The following ABCC11 variants were observed in gnomAD, a reference collection of about 807,000 sequenced individuals.
ABCC11 encodes ATP binding cassette subfamily C member 11, also known as ATP-binding cassette sub-family C member 11.
Under a neutral mutation model 149.3 loss-of-function variants are expected in ABCC11, and 135 were observed. The ratio of observed to expected loss-of-function variants is 0.90; its 90% confidence interval spans 0.79 to 1.04. The LOEUF is 1.04. Ranked by LOEUF, ABCC11 falls within the 50% of genes least tolerant of loss-of-function variation. The pLI is 0.00. For missense variants in ABCC11, 1,680 were observed against 1,722.1 expected (o/e 0.98, Z 0.43); for synonymous variants, 665 against 671.4 (o/e 0.99, Z 0.15).
In ABCC11 at chr16:48,166,239, C is replaced by CA. The variant is rs1965332564; in HGVS notation, c.*1034dup. Among the ~76,000 whole-genome samples, 1 of 152,192 alleles carries CA rather than the reference C, an allele frequency of 6.6e-6. No homozygotes were observed. Among genetic ancestry groups the CA allele is most frequent in the African/African-American group, 2.4e-5 (1 of 41,458 alleles). On this transcript the variant is annotated 3_prime_UTR_variant, in exon 30 of 30. Transcript: ENST00000356608. The stretch of plus-strand genomic sequence containing the variant: ...AGCCTAGCACATGATTGATCAGGAA[C>CA]AAGCACATGACCCAAGCTGGCCCAG...
chr16:48,241,081 C>T (rs1187538229), intron 1 of ABCC11, among the ~76,000 whole-genome samples: 20 of 152,006 alleles, frequency 1.3e-4, no homozygotes, highest in East Asian at 1.9e-4. Context: ...ATTACAGGCA[C>T]GCACCACCAC....
chr16:48,184,758 G>A, intron 22 of ABCC11, 132 bp from the exon 23 acceptor site: 1 of 917,414 alleles, frequency 1.1e-6, no homozygotes, highest in Admixed American at 2.8e-5. Flanking sequence ...ATTTTTCTTT[G>A]GGGAGTTCCT....
chr16:48,202,636 A>G (rs185338254), intron 14 of ABCC11, among the ~76,000 whole-genome samples: 2 of 152,126 alleles, frequency 1.3e-5, no homozygotes, highest in East Asian at 1.9e-4. Context: ...AAAAAGAAGA[A>G]GAAGAATTAA....
rs772542555 is a variant in ABCC11, at chr16:48,178,695, AAGG to A, written c.3259-12_3259-10del. 1.6e-5 allele frequency: 26 copies of A among 1,613,792 alleles called. No individual in the cohort carries two copies. In the South Asian group the frequency reaches 2.1e-4, roughly 13 times the overall value. ...TGGAAGCTGGACGCCAGCTAGAAGG[AAGG>A]AGAAGTATCGGGGGTCAAGAGGCTG... On this transcript the variant is annotated splice_polypyrimidine_tract_variant and intron_variant, in intron 23 of 29. Coordinates refer to ENST00000356608, the MANE Select transcript of ABCC11 (RefSeq NM_001370497.1).
At chr16:48,232,699 G>C (rs1037824721) in intron 1 of ABCC11, among the ~76,000 whole-genome samples, 1 of 152,238 alleles carries the variant, frequency 6.6e-6, no homozygotes, top group Non-Finnish European at 1.5e-5. Flanking sequence ...GTGTGCAGCA[G>C]AGCCAGGGCC....
Position 48,214,892 on chromosome 16 carries a change from T to C in ABCC11, c.1237A>G (p.Thr413Ala). 2 of 1,613,910 alleles carry C rather than the reference T, an allele frequency of 1.2e-6. No homozygotes were observed. Among genetic ancestry groups the C allele is most frequent in the East Asian group, 2.2e-5 (1 of 44,878 alleles). ...CCCCAAACCCTTACCATTGACGCTG[T>C]GAGTTTCAGCTTTAAGGATGTGTGG... ...LIHTSLKLKLTASMAFSMLAS... is the reference protein window; with the variant it reads ...LIHTSLKLKLAASMAFSMLAS... Residue 413 changes from threonine to alanine, a missense_variant, in exon 9 of 30, where the codon ACA (threonine) becomes GCA (alanine). By Grantham distance (58) the Thr-to-Ala change is moderately conservative. Transcript: ENST00000356608.
chr16:48,205,396 C>T lies in ABCC11; in HGVS notation c.1805+17G>A, dbSNP rs1968346497. ...CCACATGCCCTGTACTCTCCCTTTC[C>T]CCTCCCAGGAGCTTACCGGGCCTTG... On this transcript the variant is annotated intron_variant, in intron 13 of 29. Transcript: ENST00000356608. The T allele has an allele frequency of 6.2e-7, 1 of 1,613,956 alleles. No homozygotes were observed. Among genetic ancestry groups the T allele is most frequent in the Non-Finnish European group, 8.5e-7 (1 of 1,179,964 alleles).
intron 23 of ABCC11, among the ~76,000 whole-genome samples, chr16:48,182,459 G>T (rs867859994): frequency 6.6e-6 from 1 of 152,120 alleles, no homozygotes; most frequent in Non-Finnish European, 1.5e-5. Context: ...TCACCACACT[G>T]CATGAGATGA....
At chr16:48,235,521 C>T (rs1233953082) in intron 1 of ABCC11, among the ~76,000 whole-genome samples, 1 of 152,142 alleles carries the variant, frequency 6.6e-6, no homozygotes, top group Non-Finnish European at 1.5e-5. Context: ...GTCGCTCATC[C>T]CAAGCAAACG....
intron 28 of ABCC11, among the ~76,000 whole-genome samples, chr16:48,168,859 G>C (rs1965506982): frequency 6.6e-6 from 1 of 152,130 alleles, no homozygotes; most frequent in African/African-American, 2.4e-5. Context: ...ATGGACACAG[G>C]GAGGGGAACA....
chr16:48,242,956 C>T (rs1460641978), intron 1 of ABCC11, among the ~76,000 whole-genome samples: 2 of 151,684 alleles, frequency 1.3e-5, no homozygotes, highest in East Asian at 3.9e-4. Flanking sequence ...ATGTAAATGA[C>T]GAGTTAGTGA....
chr16:48,191,740 A>C (rs1291368660), intron 20 of ABCC11, among the ~76,000 whole-genome samples: 1 of 152,150 alleles, frequency 6.6e-6, no homozygotes, highest in East Asian at 1.9e-4. Context: ...CAAAAAACCA[A>C]ACACCACATG....
intron 1 of ABCC11, among the ~76,000 whole-genome samples, chr16:48,245,096 T>C (rs1432864803): frequency 1.3e-5 from 2 of 152,124 alleles, no homozygotes; most frequent in Non-Finnish European, 2.9e-5. Flanking sequence ...GCTCCGTGAG[T>C]TTTAACTTTT....
rs763890068 is a variant in ABCC11, at chr16:48,205,516, C to T, written c.1702G>A (p.Val568Met). The T allele has an allele frequency of 2.6e-5, 42 of 1,614,106 alleles. No homozygotes were observed. In the South Asian group the frequency reaches 4.6e-4, roughly 18 times the overall value. ...TAGGCCAGGCTTCCCTGCACCCCCA[C>T]CGAGCCCTCGAGCAAGTGCATCTGC... ...LEEMHLLEGSVGVQGSLAYVP... is the reference protein window; with the variant it reads ...LEEMHLLEGSMGVQGSLAYVP... The change falls in exon 13 of 30, where the codon GTG becomes ATG. Residue 568 changes from valine to methionine, a missense_variant. Transcript: ENST00000356608.
chr16:48,203,209 AG>A lies in ABCC11; in HGVS notation c.1878+18del. Reference sequence around the variant, plus strand: ...AGCACCAACATTACACAGAGAAGGCAGGCTCGCCTCCCTCTCACCTCTGTCA... The same window carrying A: ...AGCACCAACATTACACAGAGAAGGCAGCTCGCCTCCCTCTCACCTCTGTCA... On this transcript the variant is annotated intron_variant, in intron 14 of 29. Transcript: ENST00000356608. The A allele has an allele frequency of 6.4e-7, 1 of 1,556,496 alleles. No individual in the cohort carries two copies. The highest frequency in any genetic ancestry group is 8.7e-7 in the Non-Finnish European group (1 of 1,147,406).
intron 4 of ABCC11, among the ~76,000 whole-genome samples, chr16:48,225,506 T>C (rs1011847619): frequency 1.3e-5 from 2 of 152,212 alleles, no homozygotes; most frequent in African/African-American, 4.8e-5. Flanking sequence ...TGATTGCATC[T>C]CCATGGTGTT....
chr16:48,194,942 C>G (rs770205055), intron 18 of ABCC11, among the ~76,000 whole-genome samples: 3 of 152,188 alleles, frequency 2.0e-5, no homozygotes, highest in Admixed American at 6.5e-5. Context: ...GGGGAACTCC[C>G]TTGCCCAAAC....
rs1459082774 is a variant in ABCC11, at chr16:48,170,158, C to T, written c.3838G>A (p.Val1280Met). ...DVVENGGNFS[V>M]GERQLLCIAR... is the part of the protein sequence containing the mutation. ...ATGCAGAGCAGCTGCCTCTCCCCCACAGAGAAGTTTCCACCGTTTTCCACC... is the reference window on the plus strand; with the variant it reads ...ATGCAGAGCAGCTGCCTCTCCCCCATAGAGAAGTTTCCACCGTTTTCCACC... Residue 1280 changes from valine to methionine, a missense_variant, in exon 28 of 30, where the codon GTG (valine) becomes ATG (methionine). By Grantham distance (21) the Val-to-Met change is conservative. Coordinates refer to ENST00000356608, the MANE Select transcript of ABCC11 (RefSeq NM_001370497.1). 2 of 1,614,164 alleles carry T rather than the reference C, an allele frequency of 1.2e-6. No individual in the cohort carries two copies. The highest frequency in any genetic ancestry group is 1.7e-5 in the Admixed American group (1 of 60,028).
intron 14 of ABCC11, among the ~76,000 whole-genome samples, chr16:48,202,005 A>G (rs1462155438): frequency 1.3e-5 from 2 of 152,116 alleles, no homozygotes; most frequent in Non-Finnish European, 2.9e-5. Flanking sequence ...CTTCCAGGTC[A>G]CCACTGTGTG....
Sources: allele counts gnomAD v4.1 joint callset (sites outside exome capture counted in the v4.1 genomes callset), GRCh38; gene constraint gnomAD v4.1.1; transcripts MANE v1.5; gene names NCBI Gene and HGNC (gene_info 2026-07-23, HGNC 2026-07-21).